The following CBLB variants were observed in gnomAD, a reference collection of about 807,000 sequenced individuals.
CBLB encodes the protein E3 ubiquitin-protein ligase CBL-B.
In CBLB, 31 loss-of-function variants were observed where a neutral mutation model predicts 104.9. That is an observed-to-expected ratio of 0.30 (90% CI 0.22 to 0.40). CBLB has a LOEUF of 0.40. Among genes scored for constraint, CBLB ranks in the 10% least tolerant of loss-of-function variants. The pLI, the probability that CBLB is intolerant of heterozygous loss-of-function variation, is 1.00. For missense variants in CBLB, 1,062 were observed against 1,214.6 expected (o/e 0.87, Z 1.87); for synonymous variants, 440 against 422.6 (o/e 1.04, Z -0.51).
At chr3:105,691,468 G>A (rs2067686541) in intron 13 of CBLB, among the ~76,000 whole-genome samples, 1 of 152,128 alleles carries the variant, frequency 6.6e-6, no homozygotes, top group Non-Finnish European at 1.5e-5. Flanking sequence ...GGAGAAGCAG[G>A]TATTTAATGT....
chr3:105,777,088 T>C (rs2079569968), intron 3 of CBLB, among the ~76,000 whole-genome samples: 1 of 152,172 alleles, frequency 6.6e-6, no homozygotes, highest in South Asian at 2.1e-4. Context: ...AATGTATTGG[T>C]ATTATATCAT....
chr3:105,767,562 C>CTTTTTTTTTTTTT (rs34794014), intron 4 of CBLB, among the ~76,000 whole-genome samples: 1 of 141,142 alleles, frequency 7.1e-6, no homozygotes, highest in African/African-American at 2.6e-5. Context: ...CTTTTTCTTT[C>CTTTTTTTTTTTTT]TTTTTTTTTT....
In CBLB at chr3:105,868,764, C is replaced by G. The variant is rs987296562; in HGVS notation, c.-43G>C. 1.9e-5 allele frequency: 19 copies of G among 988,772 alleles called. No homozygotes were observed. The highest frequency in any genetic ancestry group is 8.7e-5 in the African/African-American group (5 of 57,326). The allele number at this position is 988,772 out of a possible 1,614,324, so 61.2% of individuals were successfully genotyped here. ...TCGGCGCCGTAGCTGTCCAGAGACA[C>G]GCGTGTGCGCGGGTCCCACTCCACA... is the stretch of plus-strand genomic sequence containing the variant. On this transcript the variant is annotated 5_prime_UTR_variant, in exon 1 of 19. Coordinates refer to ENST00000394030, the MANE Select transcript of CBLB (RefSeq NM_170662.5).
intron 4 of CBLB, among the ~76,000 whole-genome samples, chr3:105,770,558 T>C (rs185068225): frequency 1.3e-5 from 2 of 152,234 alleles, no homozygotes. Flanking sequence ...CAACTGAATT[T>C]TGTAATATAA....
chr3:105,771,519 G>A, intron 4 of CBLB, among the ~76,000 whole-genome samples: 1 of 151,956 alleles, frequency 6.6e-6, no homozygotes, highest in Non-Finnish European at 1.5e-5. Flanking sequence ...CCCAGTACTG[G>A]AAGTCACAGC....
intron 2 of CBLB, among the ~76,000 whole-genome samples, chr3:105,864,993 T>C (rs779724488): frequency 7.2e-5 from 11 of 152,224 alleles, no homozygotes; most frequent in Admixed American, 2.0e-4. Flanking sequence ...CTCTGCCTTT[T>C]ACATACCTAC....
chr3:105,851,511 C>A (rs1050924457), intron 3 of CBLB, among the ~76,000 whole-genome samples: 7 of 152,044 alleles, frequency 4.6e-5, no homozygotes, highest in African/African-American at 1.7e-4. Context: ...AAAAGTGGAC[C>A]CTAATGTAAA....
intron 5 of CBLB, among the ~76,000 whole-genome samples, chr3:105,750,452 T>G (rs981960684): frequency 6.6e-6 from 1 of 152,204 alleles, no homozygotes; most frequent in Non-Finnish European, 1.5e-5. Context: ...GAATCAATGT[T>G]ACTTCAGATT....
At chr3:105,670,121 TC>T in intron 18 of CBLB, 111 bp downstream of exon 18, 1 of 965,094 alleles carries the variant, frequency 1.0e-6, no homozygotes, top group Non-Finnish European at 1.6e-6. Context: ...CAAAATACTT[TC>T]TTGGGTGGAC....
intron 4 of CBLB, among the ~76,000 whole-genome samples, chr3:105,763,839 G>A (rs1012176653): frequency 1.3e-5 from 2 of 152,200 alleles, no homozygotes; most frequent in Admixed American, 6.5e-5. Flanking sequence ...TCTGTCAAAG[G>A]ACTGGGTCAG....
chr3:105,781,225 T>C (rs112120100), intron 3 of CBLB, among the ~76,000 whole-genome samples: 174 of 152,308 alleles, frequency 1.1e-3, no homozygotes, highest in African/African-American at 4.0e-3. Context: ...TTTAAAATGG[T>C]ATGAATCAAT....
chr3:105,735,925 G>A (rs779433133), intron 8 of CBLB, among the ~76,000 whole-genome samples: 2 of 152,022 alleles, frequency 1.3e-5, no homozygotes, highest in Non-Finnish European at 2.9e-5. Context: ...CAGCCTGGGC[G>A]ACAAAGCAAG....
intron 1 of CBLB, chr3:105,868,349 G>A: frequency 1.8e-6 from 1 of 564,796 alleles, no homozygotes; most frequent in Non-Finnish European, 2.6e-6. Flanking sequence ...GGACGCCTGT[G>A]TCCCTTCCCT....
chr3:105,806,601 TG>T (rs1015706385), intron 3 of CBLB, among the ~76,000 whole-genome samples: 9 of 152,020 alleles, frequency 5.9e-5, no homozygotes, highest in African/African-American at 2.2e-4. Flanking sequence ...GCCAAATAGC[TG>T]GCTGAAAACC....
In CBLB at chr3:105,864,908, T is replaced by C. The variant is rs375655065; in HGVS notation, c.168+2502A>G. 1.8e-3 allele frequency among the ~76,000 whole-genome samples: 267 copies of C among 152,314 alleles called. 2 individuals carry two copies. The highest frequency in any genetic ancestry group is 0.015 in the South Asian group (74 of 4,830). On this transcript the variant is annotated intron_variant, in intron 2 of 18. Coordinates refer to ENST00000394030, the MANE Select transcript of CBLB (RefSeq NM_170662.5). ...TGAAACACACTGAAATTGAAGCTTG[T>C]GTTCATATTTATACTTCCAAGATCT...
intron 13 of CBLB, among the ~76,000 whole-genome samples, chr3:105,690,126 G>GTA (rs937239438): frequency 1.3e-5 from 2 of 152,058 alleles, no homozygotes; most frequent in Non-Finnish European, 2.9e-5. Flanking sequence ...TAACAACATA[G>GTA]TATAAATGTA....
At chr3:105,848,942 T>C (rs931278684) in intron 3 of CBLB, among the ~76,000 whole-genome samples, 1 of 152,142 alleles carries the variant, frequency 6.6e-6, no homozygotes, top group Non-Finnish European at 1.5e-5. Context: ...TGTAGAAACA[T>C]TTCATGGGAG....
chr3:105,750,847 A>T lies in CBLB; in HGVS notation c.723+615T>A, dbSNP rs1300232692. ...AGAGAAAATGTGGGAAAAGACCTAA[A>T]TTTTTCAAAAGAGAGCTTTGTTAAT... On this transcript the variant is annotated intron_variant, in intron 5 of 18. Transcript: ENST00000394030. Among the ~76,000 whole-genome samples the T allele has an allele frequency of 3.3e-5, 5 of 152,310 alleles. No homozygotes were observed. In the South Asian group the frequency reaches 1.0e-3, roughly 32 times the overall value.
At chr3:105,708,757 G>C (rs992295491) in intron 10 of CBLB, among the ~76,000 whole-genome samples, 4 of 151,830 alleles carry the variant, frequency 2.6e-5, no homozygotes, top group African/African-American at 9.7e-5. Flanking sequence ...AGAACATTAT[G>C]GGTTAATAAA....
Sources: gnomAD v4.1 joint callset for allele counts (sites outside exome capture counted in the v4.1 genomes callset) on GRCh38, gnomAD v4.1.1 for gene constraint, MANE v1.5 for transcripts, NCBI Gene and HGNC (gene_info 2026-07-23, HGNC 2026-07-21) for gene names.